CEP126: variants seen among roughly 807,000 people sequenced by gnomAD.
CEP126 encodes the protein centrosomal protein 126, also known as centrosomal protein of 126 kDa.
In CEP126, 74 loss-of-function variants were observed where a neutral mutation model predicts 107.8. That is an observed-to-expected ratio of 0.69 (90% confidence interval 0.57 to 0.83). The LOEUF is 0.83. CEP126 is among the 40% of genes least tolerant of loss of function. CEP126 has a pLI of 0.00. For synonymous variants in CEP126, 449 were observed against 446.0 expected (o/e 1.01, Z -0.08); for missense variants, 1,237 against 1,281.9 (o/e 0.96, Z 0.53).
chr11:101,961,946 C>T lies in CEP126; in HGVS notation c.911C>T (p.Ser304Phe), dbSNP rs1389334502. 1 of 1,610,896 alleles carries T rather than the reference C, an allele frequency of 6.2e-7. No individual in the cohort carries two copies. Residue 304 changes from serine (S) to phenylalanine (F), a missense_variant, in exon 6 of 11, where the codon TCT becomes TTT. This residue lies in a region of CEP126 where 1,134 missense variants were observed against 1,150.5 expected (regional missense o/e 0.99). Coordinates refer to ENST00000263468, the MANE Select transcript of CEP126 (RefSeq NM_020802.4). ...SCFDEDKLAF[S>F]KTQHINNWLT... ...TTTGATGAAGATAAACTGGCATTCT[C>T]TAAAACTCAACATATAAATAATTGG...
intron 6 of CEP126, among the ~76,000 whole-genome samples, chr11:101,976,658 A>G (rs1445977890): frequency 6.6e-6 from 1 of 152,226 alleles, no homozygotes; most frequent in Non-Finnish European, 1.5e-5. Flanking sequence ...AGAAACTTAA[A>G]TATGCATCAT....
intron 10 of CEP126, among the ~76,000 whole-genome samples, chr11:101,996,067 C>A (rs927698401): frequency 1.3e-5 from 2 of 152,182 alleles, no homozygotes; most frequent in African/African-American, 4.8e-5. Flanking sequence ...TGGACAAATA[C>A]AAAGGTGCCC....
intron 2 of CEP126, among the ~76,000 whole-genome samples, chr11:101,937,751 TAG>T (rs1237436026): frequency 2.0e-5 from 3 of 152,186 alleles, no homozygotes; most frequent in Non-Finnish European, 4.4e-5. Context: ...TATCTGAACC[TAG>T]AGTTTTTTTT....
rs773628925 is a variant in CEP126 at position 101,985,988 on chromosome 11, A to ATTTTTTT, written c.3035-841_3035-840insTTTTTTT. On this transcript the variant is annotated intron_variant, in intron 8 of 10. Coordinates refer to ENST00000263468, the MANE Select transcript of CEP126 (RefSeq NM_020802.4). Reference sequence around the variant, plus strand: ...CAGTGGGAAGTAAAACTCTGAATTGATTTCTTTTTTTTTTTTTTTTTTTTG... The same window carrying ATTTTTTT: ...CAGTGGGAAGTAAAACTCTGAATTGATTTTTTTTTTCTTTTTTTTTTTTTTTTTTTTG... 1.8e-4 allele frequency among the ~76,000 whole-genome samples: 23 copies of ATTTTTTT among 126,476 alleles called. 2 individuals are homozygous for ATTTTTTT. Among genetic ancestry groups the ATTTTTTT allele is most frequent in the East Asian group, 2.7e-4 (1 of 3,720 alleles). The allele number at this position is 126,476 out of a possible 152,430, so 83.0% of individuals were successfully genotyped here.
chr11:101,969,189 T>G (rs779524862), intron 6 of CEP126, among the ~76,000 whole-genome samples: 10 of 151,942 alleles, frequency 6.6e-5, no homozygotes, highest in Non-Finnish European at 1.0e-4. Context: ...GCTGACTAAT[T>G]TTTATATTTT....
intron 1 of CEP126, among the ~76,000 whole-genome samples, chr11:101,919,079 CT>C: frequency 6.6e-6 from 1 of 152,206 alleles, no homozygotes; most frequent in Admixed American, 6.5e-5. Context: ...TGATAGGGAG[CT>C]TTTGGAGAAC....
intron 1 of CEP126, among the ~76,000 whole-genome samples, chr11:101,917,537 A>T (rs1940242199): frequency 6.6e-6 from 1 of 152,044 alleles, no homozygotes; most frequent in Non-Finnish European, 1.5e-5. Context: ...ATTTAATTAA[A>T]ATTAGCTAAA....
chr11:101,939,265 C>T (rs1940634059), intron 2 of CEP126, among the ~76,000 whole-genome samples: 1 of 152,096 alleles, frequency 6.6e-6, no homozygotes, highest in Non-Finnish European at 1.5e-5. Flanking sequence ...TTATTGGGTT[C>T]ATACATCTTT....
At chr11:101,967,528 A>G (rs1441685975) in intron 6 of CEP126, among the ~76,000 whole-genome samples, 2 of 152,182 alleles carry the variant, frequency 1.3e-5, no homozygotes, top group Non-Finnish European at 2.9e-5. Flanking sequence ...CTGATGATCA[A>G]CATTACTGAG....
At chr11:101,977,766 G>A (rs928593632) in intron 6 of CEP126, among the ~76,000 whole-genome samples, 3 of 152,040 alleles carry the variant, frequency 2.0e-5, no homozygotes, top group African/African-American at 7.2e-5. Flanking sequence ...GTTATTTTGT[G>A]AGAGCTTGTT....
At chr11:101,947,594 C>T (rs1940755104) in intron 3 of CEP126, among the ~76,000 whole-genome samples, 1 of 152,068 alleles carries the variant, frequency 6.6e-6, no homozygotes, top group Admixed American at 6.6e-5. Context: ...ACCTCATAGG[C>T]CATAGTGAGG....
chr11:101,962,732 T>C lies in CEP126; in HGVS notation c.1697T>C (p.Ile566Thr). ...CAGCATAAGAAAATGAAATACAACA[T>C]CCATGAGAGAAATGGTGTGAGATTT... ...VGQHKKMKYN[I>T]HERNGVRFLK... The change falls in exon 6 of 11, where the codon ATC (isoleucine) becomes ACC (threonine). Residue 566 changes from isoleucine to threonine, a missense_variant. Around this residue, in one of 3 missense-constraint regions of CEP126, gnomAD observed 1,134 missense variants for 1,150.5 expected, o/e 0.99. Coordinates refer to ENST00000263468, the MANE Select transcript of CEP126 (RefSeq NM_020802.4). 1 of 1,612,662 alleles carries C rather than the reference T, an allele frequency of 6.2e-7. No individual in the cohort carries two copies. Among genetic ancestry groups the C allele is most frequent in the Non-Finnish European group, 8.5e-7 (1 of 1,179,548 alleles).
At chr11:101,937,728 A>G (rs931872241) in intron 2 of CEP126, among the ~76,000 whole-genome samples, 1 of 152,202 alleles carries the variant, frequency 6.6e-6, no homozygotes, top group South Asian at 2.1e-4. Context: ...CGTTTGACAA[A>G]AAAATTATAA....
At chr11:101,934,776 G>C (rs1374650205) in intron 2 of CEP126, among the ~76,000 whole-genome samples, 1 of 152,022 alleles carries the variant, frequency 6.6e-6, no homozygotes, top group East Asian at 1.9e-4. Flanking sequence ...ATATTGATAG[G>C]CATTGGGTTA....
intron 2 of CEP126, among the ~76,000 whole-genome samples, chr11:101,930,430 G>C (rs61916020): frequency 0.015 from 2,301 of 151,950 alleles, 57 homozygotes; most frequent in African/African-American, 0.053. Flanking sequence ...TGGTGGGTTC[G>C]TGGTCTCGCT....
Position 101,986,998 on chromosome 11 carries a change from G to A in CEP126, c.3201G>A (p.Gln1067=). 6.2e-7 allele frequency: 1 copy of A among 1,613,420 alleles called. No individual in the cohort carries two copies. The highest frequency in any genetic ancestry group is 2.2e-5 in the East Asian group (1 of 44,788). Residue 1067 remains glutamine (Q), a synonymous_variant, in exon 9 of 11, where the codon CAG becomes CAA. Coordinates refer to ENST00000263468, the MANE Select transcript of CEP126 (RefSeq NM_020802.4). ...TCTGCACACTGTCAGCTGAAGAACA[G>A]AAGATCCTAGAGTCCCTTAATGATC... The part of the protein sequence containing the change: ...FNICTLSAEE[Q]KILESLNDLS...
intron 2 of CEP126, among the ~76,000 whole-genome samples, chr11:101,932,680 C>G (rs1940519490): frequency 6.6e-6 from 1 of 151,928 alleles, no homozygotes; most frequent in Non-Finnish European, 1.5e-5. Context: ...ATGATTTGCC[C>G]CTGCGTATTT....
chr11:101,988,990 T>C (rs1000073069), intron 9 of CEP126, among the ~76,000 whole-genome samples: 19 of 152,258 alleles, frequency 1.2e-4, no homozygotes, highest in Admixed American at 1.0e-3. Context: ...AAATTGACTA[T>C]GATTAACAAA....
At chr11:101,927,639 AT>A (rs1940432941) in intron 2 of CEP126, among the ~76,000 whole-genome samples, 1 of 152,178 alleles carries the variant, frequency 6.6e-6, no homozygotes, top group Non-Finnish European at 1.5e-5. Flanking sequence ...AGAGTGTTGT[AT>A]AAAGGGGATC....
Sources: gnomAD v4.1 joint callset for allele counts (sites outside exome capture counted in the v4.1 genomes callset) on GRCh38, gnomAD v4.1.1 for gene constraint, gnomAD v4.1.1 regional missense constraint, MANE v1.5 for transcripts, NCBI Gene and HGNC (gene_info 2026-07-23, HGNC 2026-07-21) for gene names.